LRMDA: variants seen among roughly 807,000 people sequenced by gnomAD.
LRMDA encodes leucine-rich melanocyte differentiation-associated protein.
Under a neutral mutation model 29.8 loss-of-function variants are expected in LRMDA, and 18 were observed. The observed-to-expected ratio is 0.60, with a 90% CI of 0.42 to 0.90. The LOEUF (loss-of-function observed/expected upper bound fraction) is 0.90, where lower values mean the gene tolerates loss of function less well. Among genes scored for constraint, LRMDA ranks in the 40% least tolerant of loss-of-function variants. The pLI is 0.00. For missense variants in LRMDA, 273 were observed against 273.9 expected, an observed-to-expected ratio of 1.00 and a Z score of 0.02; for synonymous variants, 125 against 109.4, an observed-to-expected ratio of 1.14 and a Z score of -0.89.
At chr10:76,101,830 CCTTT>C (rs1849399308) in intron 5 of LRMDA, among the ~76,000 whole-genome samples, 2 of 152,226 alleles carry the variant, frequency 1.3e-5, no homozygotes, top group Admixed American at 6.5e-5. Flanking sequence ...GTGTGACTGC[CCTTT>C]CTATCTAGTT....
At chr10:76,265,523 C>A (rs912329008) in intron 5 of LRMDA, among the ~76,000 whole-genome samples, 2 of 152,170 alleles carry the variant, frequency 1.3e-5, no homozygotes, top group African/African-American at 4.8e-5. Flanking sequence ...GGATCATTCT[C>A]GGGAAGTGCT....
In LRMDA at chr10:75,977,943, T is replaced by G. The variant is rs180891038; in HGVS notation, c.132-58065T>G. ...ATAATGGTCATAATGGTCCCTGTCT[T>G]GTAAGTTTGTTGGGGGAATTAAATG... On this transcript the variant is annotated intron_variant, in intron 2 of 6. Transcript: ENST00000611255. Among the ~76,000 whole-genome samples the G allele has an allele frequency of 3.7e-4, 57 of 152,310 alleles. No homozygotes were observed. The East Asian group carries it at 8.9e-3, about 24-fold the overall frequency.
intron 2 of LRMDA, among the ~76,000 whole-genome samples, chr10:75,805,128 G>A (rs1423281732): frequency 6.6e-6 from 1 of 152,212 alleles, no homozygotes; most frequent in African/African-American, 2.4e-5. Flanking sequence ...GTGTGGCGAT[G>A]ATTTTCTGTG....
chr10:76,409,765 C>T (rs896411406), intron 6 of LRMDA, among the ~76,000 whole-genome samples: 8 of 152,178 alleles, frequency 5.3e-5, no homozygotes, highest in African/African-American at 1.9e-4. Flanking sequence ...TATGTAATAG[C>T]AACACTAAAG....
intron 6 of LRMDA, among the ~76,000 whole-genome samples, chr10:76,415,401 G>T (rs185654174): frequency 6.6e-6 from 1 of 152,188 alleles, no homozygotes; most frequent in East Asian, 1.9e-4. Context: ...TTGAGAAGTA[G>T]CTTAGTATGG....
intron 2 of LRMDA, among the ~76,000 whole-genome samples, chr10:76,014,132 A>ATATATATATAAT (rs1443298830): frequency 7.2e-6 from 1 of 139,758 alleles, no homozygotes; most frequent in African/African-American, 2.7e-5. Flanking sequence ...ATAATTATAT[A>ATATATATATAAT]TATATATATA....
At chr10:76,008,687 G>A (rs1429582996) in intron 2 of LRMDA, among the ~76,000 whole-genome samples, 1 of 152,216 alleles carries the variant, frequency 6.6e-6, no homozygotes, top group Non-Finnish European at 1.5e-5. Context: ...CAGTGTTTCG[G>A]ATCAGAGAAT....
intron 2 of LRMDA, among the ~76,000 whole-genome samples, chr10:75,730,289 C>T (rs976161645): frequency 2.6e-5 from 4 of 152,152 alleles, no homozygotes; most frequent in African/African-American, 7.2e-5. Context: ...CTATAGAGCA[C>T]TGACTTTTTC....
At chr10:76,529,364 T>C (rs892623687) in intron 6 of LRMDA, among the ~76,000 whole-genome samples, 4 of 152,160 alleles carry the variant, frequency 2.6e-5, no homozygotes, top group African/African-American at 7.2e-5. Flanking sequence ...TAAATGCTAT[T>C]AATAGTCACT....
At chr10:75,535,630 T>A (rs1839936523) in intron 2 of LRMDA, among the ~76,000 whole-genome samples, 1 of 152,144 alleles carries the variant, frequency 6.6e-6, no homozygotes, top group Admixed American at 6.5e-5. Context: ...TCTGAAGAAC[T>A]TGAAGTGATC....
intron 6 of LRMDA, among the ~76,000 whole-genome samples, chr10:76,362,607 A>AC (rs953582995): frequency 6.6e-6 from 1 of 151,994 alleles, no homozygotes; most frequent in African/African-American, 2.4e-5. Context: ...GCTTGTTTGT[A>AC]CCCCCCTGGT....
At chr10:76,152,997 C>T (rs11001640) in intron 5 of LRMDA, among the ~76,000 whole-genome samples, 1 of 151,960 alleles carries the variant, frequency 6.6e-6, no homozygotes, top group African/African-American at 2.4e-5. Flanking sequence ...TCCGCCACCA[C>T]GTCCAGCTAA....
chr10:75,589,242 T>C (rs910037489), intron 2 of LRMDA, among the ~76,000 whole-genome samples: 4 of 152,184 alleles, frequency 2.6e-5, no homozygotes, highest in Admixed American at 2.0e-4. Flanking sequence ...ACATGCTTGT[T>C]TTTCCACCGC....
At chr10:76,324,334 G>A in intron 5 of LRMDA, 67 bp from the exon 6 acceptor site, 1 of 1,346,532 alleles carries the variant, frequency 7.4e-7, no homozygotes, top group Non-Finnish European at 1.1e-6. Context: ...GACAGGTCTG[G>A]TAAATGAGGG....
intron 6 of LRMDA, among the ~76,000 whole-genome samples, chr10:76,357,777 T>G (rs1841260392): frequency 3.9e-5 from 6 of 152,198 alleles, no homozygotes; most frequent in Admixed American, 3.9e-4. Context: ...CCAGCTTCTC[T>G]CGTCTCCAGT....
At chr10:75,764,667 A>T (rs1174924199) in intron 2 of LRMDA, among the ~76,000 whole-genome samples, 2 of 152,222 alleles carry the variant, frequency 1.3e-5, no homozygotes, top group African/African-American at 4.8e-5. Context: ...GGCACGGCTA[A>T]CAGACAGATA....
At chr10:75,450,543 G>A (rs1844449302) in intron 2 of LRMDA, 1 of 152,222 alleles carries the variant, frequency 6.6e-6, no homozygotes, top group African/African-American at 2.4e-5. Context: ...GAGGGCAGGA[G>A]AGGCGGTGTT....
intron 2 of LRMDA, among the ~76,000 whole-genome samples, chr10:75,901,919 T>C (rs1421989826): frequency 6.6e-6 from 1 of 152,204 alleles, no homozygotes; most frequent in Admixed American, 6.5e-5. Context: ...AGTGAGAATG[T>C]AATTGTGTTT....
At chr10:76,186,982 G>GTTTGA (rs1485411717) in intron 5 of LRMDA, among the ~76,000 whole-genome samples, 3 of 152,084 alleles carry the variant, frequency 2.0e-5, no homozygotes, top group Non-Finnish European at 4.4e-5. Flanking sequence ...AAGGATTTTG[G>GTTTGA]TTTGATTTGA....
Sources: gnomAD v4.1 joint callset for allele counts (sites outside exome capture counted in the v4.1 genomes callset) on GRCh38, gnomAD v4.1.1 for gene constraint, MANE v1.5 for transcripts, NCBI Gene and HGNC (gene_info 2026-07-23, HGNC 2026-07-21) for gene names.